The following GTF2B variants were observed in gnomAD, a reference collection of about 807,000 sequenced individuals.
The protein encoded by GTF2B is general transcription factor IIB, also known as transcription initiation factor IIB.
A neutral mutation model predicts 34.6 loss-of-function variants in GTF2B; 20 were observed. The ratio of observed to expected loss-of-function variants is 0.58; its 90% CI spans 0.41 to 0.84. The LOEUF (loss-of-function observed/expected upper bound fraction) is 0.84, where lower values mean the gene tolerates loss of function less well. GTF2B is among the 40% of genes least tolerant of loss of function. The probability of loss-of-function intolerance (pLI) is 0.00; values close to 1 mark genes in which losing one functional copy is unlikely to be tolerated. For missense variants in GTF2B, 237 were observed against 393.3 expected (o/e 0.60, Z 3.36); for synonymous variants, 142 against 132.4 (o/e 1.07, Z -0.50).
At chr1:88,872,227 G>A (rs1275687780) in intron 2 of GTF2B, among the ~76,000 whole-genome samples, 1 of 151,834 alleles carries the variant, frequency 6.6e-6, no homozygotes, top group African/African-American at 2.4e-5. Flanking sequence ...GCCAAGGTGG[G>A]CGGATCACCT....
intron 2 of GTF2B, among the ~76,000 whole-genome samples, chr1:88,882,167 G>A (rs987960539): frequency 1.3e-5 from 2 of 151,864 alleles, no homozygotes; most frequent in African/African-American, 4.8e-5. Context: ...AAAATTAGGT[G>A]GGTGTGGTGG....
intron 2 of GTF2B, among the ~76,000 whole-genome samples, chr1:88,886,798 G>A (rs967829471): frequency 7.1e-5 from 9 of 127,210 alleles, no homozygotes; most frequent in South Asian, 3.1e-4. Flanking sequence ...AAGTTTACTC[G>A]TTTCTGTTTC....
At chr1:88,888,723 T>C (rs528763057) in intron 1 of GTF2B, among the ~76,000 whole-genome samples, 4 of 152,306 alleles carry the variant, frequency 2.6e-5, no homozygotes, top group African/African-American at 7.2e-5. Context: ...AGAAAACCTA[T>C]ACAAAGCTGA....
Position 88,878,635 on chromosome 1 carries a change from G to A in GTF2B, c.124+8626C>T, listed in dbSNP as rs181779658. ...GTGACCTCGTCAGTATCAAGTTTAGGTACAGCCTATTTCCCCATTCCCTTC... is the reference window on the plus strand; with the variant it reads ...GTGACCTCGTCAGTATCAAGTTTAGATACAGCCTATTTCCCCATTCCCTTC... On this transcript the variant is annotated intron_variant, in intron 2 of 6. Coordinates refer to ENST00000370500, the MANE Select transcript of GTF2B (RefSeq NM_001514.6). Among the ~76,000 whole-genome samples the A allele has an allele frequency of 1.2e-3, 178 of 152,266 alleles. 1 individual carries two copies. In the Middle Eastern group the frequency reaches 0.014, roughly 12 times the overall value.
At chr1:88,880,142 T>C (rs1462805063) in intron 2 of GTF2B, among the ~76,000 whole-genome samples, 1 of 152,228 alleles carries the variant, frequency 6.6e-6, no homozygotes, top group Non-Finnish European at 1.5e-5. Context: ...ACTGAATTAA[T>C]ATGGTTTAAT....
intron 5 of GTF2B, among the ~76,000 whole-genome samples, chr1:88,857,883 T>C (rs1401224350): frequency 1.3e-5 from 2 of 151,878 alleles, no homozygotes; most frequent in African/African-American, 4.8e-5. Context: ...GGTTTCACCA[T>C]GTTGGCCAGG....
intron 3 of GTF2B, among the ~76,000 whole-genome samples, chr1:88,862,558 T>C (rs1330365365): frequency 6.6e-6 from 1 of 151,892 alleles, no homozygotes; most frequent in Non-Finnish European, 1.5e-5. Context: ...CAAAACAGAC[T>C]ATACAGGGTT....
intron 6 of GTF2B, among the ~76,000 whole-genome samples, chr1:88,855,359 GTT>G (rs750561898): frequency 1.4e-4 from 18 of 124,156 alleles, no homozygotes; most frequent in African/African-American, 5.1e-4. Context: ...TTCTGTTTTT[GTT>G]TTTTTTTTTT....
chr1:88,877,870 G>A (rs1186534992), intron 2 of GTF2B, among the ~76,000 whole-genome samples: 1 of 152,238 alleles, frequency 6.6e-6, no homozygotes, highest in Non-Finnish European at 1.5e-5. Flanking sequence ...GGCAGAGGTT[G>A]CAGTGAGCCA....
chr1:88,859,157 T>C (rs1470821249), intron 5 of GTF2B, among the ~76,000 whole-genome samples: 1 of 152,112 alleles, frequency 6.6e-6, no homozygotes, highest in Non-Finnish European at 1.5e-5. Flanking sequence ...TGAGACACCA[T>C]ACCTGGCCTT....
chr1:88,857,978 G>A (rs1163541466), intron 5 of GTF2B, among the ~76,000 whole-genome samples: 6 of 151,446 alleles, frequency 4.0e-5, no homozygotes, highest in Admixed American at 4.0e-4. Flanking sequence ...CACTGCGCCT[G>A]GCCTAATGTT....
chr1:88,853,442 C>A (rs1267468638), intron 6 of GTF2B, 96 bp from the exon 7 acceptor site: 3 of 1,119,482 alleles, frequency 2.7e-6, no homozygotes, highest in East Asian at 2.4e-5. Context: ...GTATAAAGTG[C>A]CAAACTTAAA....
rs1275125600 is a variant in GTF2B at position 88,852,670 on chromosome 1, T to TGC, written c.*541_*542dup. Among the ~76,000 whole-genome samples, 1 of 152,130 alleles carries TGC rather than the reference T, an allele frequency of 6.6e-6. No individual in the cohort carries two copies. Among genetic ancestry groups the TGC allele is most frequent in the Non-Finnish European group, 1.5e-5 (1 of 68,026 alleles). On this transcript the variant is annotated 3_prime_UTR_variant, in exon 7 of 7. Coordinates refer to ENST00000370500, the MANE Select transcript of GTF2B (RefSeq NM_001514.6). ...AACATTTTAATGTCTCTCAAGCTGG[T>TGC]GCCTTTCAAGGCCCAAGCTCATCAC... is the stretch of plus-strand genomic sequence containing the variant.
rs150584487 is a variant in GTF2B, at chr1:88,886,472, A to C, written c.124+789T>G. 3.0e-3 allele frequency among the ~76,000 whole-genome samples: 453 copies of C among 152,320 alleles called. 2 individuals carry two copies. The highest frequency in any genetic ancestry group is 9.5e-3 in the African/African-American group (395 of 41,560). ...ACTTTAAGTGTTATTTTTGGCAATAATTTTATACAAGATATTCATCAATAG... is the reference window on the plus strand; with the variant it reads ...ACTTTAAGTGTTATTTTTGGCAATACTTTTATACAAGATATTCATCAATAG... On this transcript the variant is annotated intron_variant, in intron 2 of 6. Transcript: ENST00000370500.
At chr1:88,882,931 G>A (rs1270938412) in intron 2 of GTF2B, among the ~76,000 whole-genome samples, 1 of 152,154 alleles carries the variant, frequency 6.6e-6, no homozygotes, top group African/African-American at 2.4e-5. Flanking sequence ...TTTGAAATAT[G>A]AAAATTTCCT....
Position 88,887,260 on chromosome 1 carries a change from C to T in GTF2B, c.124+1G>A. The T allele has an allele frequency of 4.4e-6, 7 of 1,577,214 alleles. No individual in the cohort carries two copies. Among genetic ancestry groups the T allele is most frequent in the Non-Finnish European group, 6.1e-6 (7 of 1,147,010 alleles). ...AAATTAAAACCATAATAACAACTCA[C>T]CTACAACCAAGCCACATTCAGGACA... On this transcript the variant is annotated splice_donor_variant, in intron 2 of 6. Coordinates refer to ENST00000370500, the MANE Select transcript of GTF2B (RefSeq NM_001514.6). LOFTEE classifies it high-confidence loss of function.
At chr1:88,887,133 G>A in intron 2 of GTF2B, 128 bp downstream of exon 2, 1 of 585,528 alleles carries the variant, frequency 1.7e-6, no homozygotes, top group South Asian at 1.9e-5. Flanking sequence ...TGGTCAGGCT[G>A]GTCTCGAACT....
intron 2 of GTF2B, among the ~76,000 whole-genome samples, chr1:88,869,160 T>C (rs1433701076): frequency 6.6e-6 from 1 of 152,208 alleles, no homozygotes; most frequent in Non-Finnish European, 1.5e-5. Flanking sequence ...CTGAGCACAA[T>C]ATAAACAACT....
At position 88,853,256 on chromosome 1, in the gene GTF2B, T is replaced by C. The variant is rs775240117; in HGVS notation, c.908A>G (p.Asp303Gly). 1.2e-6 allele frequency: 2 copies of C among 1,613,490 alleles called. No homozygotes were observed. Among genetic ancestry groups the C allele is most frequent in the South Asian group, 2.2e-5 (2 of 91,072 alleles). ...YPRAPDLFPT[D>G]FKFDTPVDKL... ...GTCCACTGGGGTGTCAAATTTGAAG[T>C]CTGTAGGAAACAGATCTGGGGCTCG... Residue 303 changes from aspartate to glycine, a missense_variant, in exon 7 of 7, where the codon GAC (aspartate) becomes GGC (glycine). Around this residue, in one of 3 missense-constraint regions of GTF2B, gnomAD observed 78 missense variants for 116.6 expected, o/e 0.67. Coordinates refer to ENST00000370500, the MANE Select transcript of GTF2B (RefSeq NM_001514.6).
Sources: allele counts gnomAD v4.1 joint callset (sites outside exome capture counted in the v4.1 genomes callset), GRCh38; gene constraint gnomAD v4.1.1; regional missense constraint gnomAD v4.1.1; transcripts MANE v1.5; gene names NCBI Gene and HGNC (gene_info 2026-07-23, HGNC 2026-07-21).